The following TLL2 variants were observed in gnomAD, a reference collection of about 807,000 sequenced individuals.
TLL2 encodes the protein tolloid-like protein 2.
In TLL2, 106 loss-of-function variants were observed where a neutral mutation model predicts 123.0. The ratio of observed to expected loss-of-function variants is 0.86; its 90% CI spans 0.74 to 1.01. TLL2 has a LOEUF of 1.01. TLL2 is among the 50% of genes least tolerant of loss of function. The pLI, the probability that TLL2 is intolerant of heterozygous loss-of-function variation, is 0.00. For synonymous variants in TLL2, 494 were observed against 516.8 expected (o/e 0.96, Z 0.60); for missense variants, 1,332 against 1,336.7 (o/e 1.00, Z 0.06).
intron 1 of TLL2, among the ~76,000 whole-genome samples, chr10:96,499,021 C>CT (rs1383666990): frequency 6.6e-6 from 1 of 152,242 alleles, no homozygotes; most frequent in Non-Finnish European, 1.5e-5. Context: ...CTTTGTCTTG[C>CT]TTTGTGACAC....
intron 13 of TLL2, among the ~76,000 whole-genome samples, chr10:96,394,498 C>T (rs1589410586): frequency 6.6e-6 from 1 of 152,282 alleles, no homozygotes; most frequent in South Asian, 2.1e-4. Flanking sequence ...CCATCAGGAC[C>T]CTACAGAGCA....
At chr10:96,469,659 T>G (rs1847160216) in intron 2 of TLL2, among the ~76,000 whole-genome samples, 1 of 147,678 alleles carries the variant, frequency 6.8e-6, no homozygotes, top group Non-Finnish European at 1.5e-5. Flanking sequence ...GATCCCACCC[T>G]CCAATCTGAC....
Position 96,365,542 on chromosome 10 carries a change from AC to A in TLL2, c.*2545del, listed in dbSNP as rs1311239564. Reference sequence around the variant, plus strand: ...CTCACTGTCATCCCCAAAGCTTGGTACCCAATTAAAGCACAAAGCAGGCTGC... The same window carrying A: ...CTCACTGTCATCCCCAAAGCTTGGTACCAATTAAAGCACAAAGCAGGCTGC... On this transcript the variant is annotated 3_prime_UTR_variant, in exon 21 of 21. Transcript: ENST00000357947. The A allele has an allele frequency of 6.6e-6, 1 of 152,220 alleles. No homozygotes were observed. The highest frequency in any genetic ancestry group is 1.5e-5 in the Non-Finnish European group (1 of 68,034). 9.4% of individuals were successfully genotyped at this position (152,220 alleles called of 1,614,324 possible).
intron 10 of TLL2, among the ~76,000 whole-genome samples, chr10:96,397,666 C>T (rs1846354921): frequency 6.6e-6 from 1 of 152,198 alleles, no homozygotes; most frequent in African/African-American, 2.4e-5. Context: ...TTTCCTGTTG[C>T]ATGTATACCC....
intron 3 of TLL2, among the ~76,000 whole-genome samples, chr10:96,440,235 G>T (rs2134084632): frequency 6.6e-6 from 1 of 152,336 alleles, no homozygotes; most frequent in East Asian, 1.9e-4. Flanking sequence ...CTCCATGAGG[G>T]CAAGAAATGT....
chr10:96,399,073 G>A (rs1230060825), intron 10 of TLL2, among the ~76,000 whole-genome samples: 2 of 151,704 alleles, frequency 1.3e-5, no homozygotes, highest in Non-Finnish European at 2.9e-5. Context: ...GGGTTTCACC[G>A]TGTTAGCCAG....
chr10:96,465,183 C>G (rs1337585761), intron 2 of TLL2, among the ~76,000 whole-genome samples: 1 of 151,964 alleles, frequency 6.6e-6, no homozygotes, highest in Non-Finnish European at 1.5e-5. Context: ...CAGCTCTGTT[C>G]AAGAAGAACT....
chr10:96,511,777 C>A (rs1332601533), intron 1 of TLL2, among the ~76,000 whole-genome samples: 1 of 152,236 alleles, frequency 6.6e-6, no homozygotes, highest in Non-Finnish European at 1.5e-5. Flanking sequence ...TTCCCCACTC[C>A]GGGCCTCAGC....
chr10:96,399,460 G>C (rs1374465297), intron 10 of TLL2, among the ~76,000 whole-genome samples: 1 of 152,124 alleles, frequency 6.6e-6, no homozygotes, highest in Non-Finnish European at 1.5e-5. Context: ...GAAACATGGG[G>C]GTAAAGGCTG....
intron 19 of TLL2, among the ~76,000 whole-genome samples, chr10:96,371,374 AG>A (rs1846082953): frequency 1.3e-5 from 2 of 152,180 alleles, no homozygotes; most frequent in Non-Finnish European, 2.9e-5. Context: ...AGACTGGTCT[AG>A]ATTAGCAAGC....
intron 18 of TLL2, 138 bp from the exon 19 acceptor site, chr10:96,373,947 G>T (rs74327492): frequency 1.4e-6 from 1 of 698,640 alleles, no homozygotes; most frequent in Non-Finnish European, 2.4e-6. Context: ...GTGTGTGGCC[G>T]TGATGATGCT....
At chr10:96,385,903 C>G in intron 15 of TLL2, 152 bp downstream of exon 15, 1 of 740,622 alleles carries the variant, frequency 1.4e-6, no homozygotes, top group Non-Finnish European at 1.9e-6. Flanking sequence ...CTGGAGAAAA[C>G]ATTCCCCCAG....
chr10:96,378,546 G>C (rs1846158065), intron 17 of TLL2, among the ~76,000 whole-genome samples: 1 of 152,236 alleles, frequency 6.6e-6, no homozygotes. Flanking sequence ...ATGTGTCAGA[G>C]AGTCTGAAAT....
chr10:96,510,954 G>GTT (rs1347418578), intron 1 of TLL2, among the ~76,000 whole-genome samples: 1 of 152,206 alleles, frequency 6.6e-6, no homozygotes, highest in Non-Finnish European at 1.5e-5. Flanking sequence ...CATTCTGCAG[G>GTT]TAAGGAACTG....
chr10:96,461,228 T>C (rs1847079505), intron 2 of TLL2, among the ~76,000 whole-genome samples: 1 of 152,066 alleles, frequency 6.6e-6, no homozygotes, highest in Non-Finnish European at 1.5e-5. Context: ...ATTATGCATC[T>C]AAAATGTGCC....
At chr10:96,419,385 C>A (rs1252757237) in intron 7 of TLL2, among the ~76,000 whole-genome samples, 1 of 152,198 alleles carries the variant, frequency 6.6e-6, no homozygotes, top group Non-Finnish European at 1.5e-5. Flanking sequence ...AACCATCACA[C>A]AGCTGCCCCT....
At chr10:96,381,367 T>C (rs544169742) in intron 16 of TLL2, among the ~76,000 whole-genome samples, 1 of 152,226 alleles carries the variant, frequency 6.6e-6, no homozygotes, top group South Asian at 2.1e-4. Context: ...AGGTCCCTCA[T>C]GACCTGGCCT....
intron 1 of TLL2, among the ~76,000 whole-genome samples, chr10:96,510,915 C>T (rs1589440463): frequency 6.6e-6 from 1 of 152,302 alleles, no homozygotes; most frequent in Non-Finnish European, 1.5e-5. Context: ...GGACATGTCA[C>T]TTTGTAATTC....
Position 96,434,437 on chromosome 10 carries a change from A to T in TLL2, c.365-1475T>A, listed in dbSNP as rs572958420. The stretch of plus-strand genomic sequence containing the variant: ...ATTCTGGACATTTCCTAGAGATGGA[A>T]TCACACCACATGTGGCCTTTTGTGT... On this transcript the variant is annotated intron_variant, in intron 3 of 20. Coordinates refer to ENST00000357947, the MANE Select transcript of TLL2 (RefSeq NM_012465.4). 1.2e-4 allele frequency among the ~76,000 whole-genome samples: 19 copies of T among 152,256 alleles called. No homozygotes were observed. The South Asian group carries it at 3.3e-3, about 27-fold the overall frequency.
Sources: gnomAD v4.1 joint callset for allele counts (sites outside exome capture counted in the v4.1 genomes callset) on GRCh38, gnomAD v4.1.1 for gene constraint, MANE v1.5 for transcripts, NCBI Gene and HGNC (gene_info 2026-07-23, HGNC 2026-07-21) for gene names.